The following MTUS1 variants were observed in gnomAD, a reference collection of about 807,000 sequenced individuals.
The protein encoded by MTUS1 is microtubule-associated tumor suppressor 1.
MTUS1 carries 109 observed loss-of-function variants against 120.8 expected under a neutral mutation model. The ratio of observed to expected loss-of-function variants is 0.90; its 90% confidence interval spans 0.77 to 1.06. The LOEUF (loss-of-function observed/expected upper bound fraction) is 1.06, where lower values mean the gene tolerates loss of function less well. Among genes scored for constraint, MTUS1 ranks in the 50% least tolerant of loss-of-function variants. The pLI is 0.00. For missense variants in MTUS1, 2,210 were observed against 1,486.3 expected, an observed-to-expected ratio of 1.49 and a Z score of -8.01; for synonymous variants, 737 against 550.5, an observed-to-expected ratio of 1.34 and a Z score of -4.74.
chr8:17,788,169 T>C (rs558552671), intron 1 of MTUS1, among the ~76,000 whole-genome samples: 44 of 152,290 alleles, frequency 2.9e-4, no homozygotes, highest in Middle Eastern at 3.4e-3. Flanking sequence ...TGTATCTTGA[T>C]TGGTGTGATC....
chr8:17,697,133 T>C, intron 6 of MTUS1: 1 of 1,237,410 alleles, frequency 8.1e-7, no homozygotes, highest in Non-Finnish European at 1.1e-6. Context: ...AAGCCTCATC[T>C]CTCATTAGAG....
chr8:17,684,447 G>C lies in MTUS1; in HGVS notation c.2719C>G (p.Gln907Glu). Residue 907 changes from glutamine (Q) to glutamate (E), a missense_variant, in exon 7 of 15, where the codon CAA (glutamine) becomes GAA (glutamate). Transcript: ENST00000693296. The stretch of plus-strand genomic sequence containing the variant: ...TGGTTTTCACATTTTGTTTTATATT[G>C]CGTCAATTCAAGTGTTTTCTCAGGG... Reference protein sequence around the residue: ...LPPEKTLELTQYKTKCENQSG... With the variant: ...LPPEKTLELTEYKTKCENQSG... 1 of 1,614,126 alleles carries C rather than the reference G, an allele frequency of 6.2e-7. No homozygotes were observed. The highest frequency in any genetic ancestry group is 8.5e-7 in the Non-Finnish European group (1 of 1,179,978).
chr8:17,674,845 T>C lies in MTUS1; in HGVS notation c.2905+341A>G, dbSNP rs536513963. 16 of 1,107,138 alleles carry C rather than the reference T, an allele frequency of 1.4e-5. No homozygotes were observed. The African/African-American group carries it at 2.3e-4, about 16-fold the overall frequency. The allele number at this position is 1,107,138 out of a possible 1,614,324, so 68.6% of individuals were successfully genotyped here. ...TCAAGAGGGGAAACTTTCACTATTC[T>C]CATATGAAAAGTGCTTCAGAAAAAA... On this transcript the variant is annotated intron_variant, in intron 8 of 14. Coordinates refer to ENST00000693296, the MANE Select transcript of MTUS1 (RefSeq NM_001363059.2).
chr8:17,801,257 C>T (rs1302418911), upstream of MTUS1: 2 of 151,550 alleles, frequency 1.3e-5, no homozygotes, highest in Non-Finnish European at 2.9e-5. Context: ...GGCCTCCCCG[C>T]CTCCCCGCCT....
rs747158090 is a variant in MTUS1, at chr8:17,723,721, G to A, written c.2400C>T (p.Thr800=). ...KSPALRRTGS[T]PSIASTHSEL... ...CACTGTGGGTGCTGGCTATTGAGGG[G>A]GTGCTTCCTGTCCTCCGCAGCGCAG... Residue 800 remains threonine (T), a synonymous_variant, in exon 4 of 15, where the codon ACC becomes ACT. Coordinates refer to ENST00000693296, the MANE Select transcript of MTUS1 (RefSeq NM_001363059.2). The A allele has an allele frequency of 1.6e-5, 25 of 1,610,940 alleles. No homozygotes were observed. In the South Asian group the frequency reaches 2.5e-4, roughly 16 times the overall value.
intron 7 of MTUS1, among the ~76,000 whole-genome samples, chr8:17,682,588 G>C (rs1054548631): frequency 2.0e-5 from 3 of 151,654 alleles, no homozygotes; most frequent in Non-Finnish European, 4.4e-5. Context: ...AGCAAGGATG[G>C]CATGAATGGG....
chr8:17,699,569 C>T (rs1027358272), intron 6 of MTUS1, among the ~76,000 whole-genome samples: 14 of 152,162 alleles, frequency 9.2e-5, no homozygotes, highest in Admixed American at 7.9e-4. Flanking sequence ...GAAGAAATTA[C>T]CATCTAATCA....
chr8:17,665,920 A>G (rs987439493), intron 8 of MTUS1, among the ~76,000 whole-genome samples: 4 of 152,060 alleles, frequency 2.6e-5, no homozygotes, highest in African/African-American at 9.7e-5. Context: ...AATTCCACCC[A>G]GCCAGCCTGT....
intron 6 of MTUS1, among the ~76,000 whole-genome samples, chr8:17,695,129 C>G (rs987233393): frequency 6.6e-6 from 1 of 152,172 alleles, no homozygotes; most frequent in Non-Finnish European, 1.5e-5. Flanking sequence ...ACCCACTTGA[C>G]GGACGATTTC....
At chr8:17,785,922 A>C (rs1050739160) in intron 1 of MTUS1, among the ~76,000 whole-genome samples, 9 of 152,148 alleles carry the variant, frequency 5.9e-5, no homozygotes, top group Admixed American at 2.0e-4. Flanking sequence ...AAACAAGAGA[A>C]TCTATTGAAC....
intron 3 of MTUS1, among the ~76,000 whole-genome samples, chr8:17,728,497 G>C (rs1440558113): frequency 6.6e-6 from 1 of 152,236 alleles, no homozygotes; most frequent in African/African-American, 2.4e-5. Flanking sequence ...TAAGGCAAGT[G>C]CAAGTAATCA....
chr8:17,711,453 C>T (rs185042112), intron 6 of MTUS1, among the ~76,000 whole-genome samples: 5 of 150,958 alleles, frequency 3.3e-5, no homozygotes, highest in African/African-American at 9.7e-5. Context: ...TAGCTTCCAG[C>T]TTTTTTTTTT....
In MTUS1 at chr8:17,668,708, G is replaced by A. The variant is rs113273107; in HGVS notation, c.2905+6478C>T. The stretch of plus-strand genomic sequence containing the variant: ...TTTTATTTTAGGTTCAGGGGCACAT[G>A]TGCAGGTTTGTTATTTGGGTCAACT... On this transcript the variant is annotated intron_variant, in intron 8 of 14. Coordinates refer to ENST00000693296, the MANE Select transcript of MTUS1 (RefSeq NM_001363059.2). 5.8e-3 allele frequency among the ~76,000 whole-genome samples: 881 copies of A among 152,258 alleles called. 16 individuals carry two copies. The highest frequency in any genetic ancestry group is 0.021 in the African/African-American group (861 of 41,550).
chr8:17,684,563 G>A (rs764080176), intron 6 of MTUS1, 21 bp from the exon 7 acceptor site: 8 of 1,589,620 alleles, frequency 5.0e-6, no homozygotes, highest in African/African-American at 1.3e-5. Flanking sequence ...AATTAACATA[G>A]GTACAAAGAT....
Position 17,755,397 on chromosome 8 carries a change from A to G in MTUS1, c.411T>C (p.Pro137=). The change falls in exon 2 of 15, where the codon CCT becomes CCC. Residue 137 remains proline (P), a synonymous_variant. Transcript: ENST00000693296. ...VEGQSVEPSL[P]FVWKPNDNLN... ...AATTGTCATTAGGCTTCCACACAAA[A>G]GGCAAAGATGGCTCAACACTCTGGC... The G allele has an allele frequency of 6.2e-7, 1 of 1,614,230 alleles. No homozygotes were observed. Among genetic ancestry groups the G allele is most frequent in the Non-Finnish European group, 8.5e-7 (1 of 1,180,032 alleles).
intron 4 of MTUS1, chr8:17,721,789 G>T: frequency 8.1e-6 from 13 of 1,614,148 alleles, no homozygotes; most frequent in Non-Finnish European, 1.0e-5. Context: ...TGTCAATAAG[G>T]TAGCATCATA....
chr8:17,680,680 G>T (rs1814257334), intron 7 of MTUS1, among the ~76,000 whole-genome samples: 2 of 152,010 alleles, frequency 1.3e-5, no homozygotes, highest in Admixed American at 1.3e-4. Context: ...TCTAGCGTTG[G>T]ATCAACTCTC....
chr8:17,676,193 A>G, intron 7 of MTUS1: 1 of 698,722 alleles, frequency 1.4e-6, no homozygotes, highest in Non-Finnish European at 2.6e-6. Context: ...TTGTCATTCA[A>G]AGCATTTTCC....
intron 6 of MTUS1, among the ~76,000 whole-genome samples, chr8:17,696,362 G>A (rs976191093): frequency 6.6e-6 from 1 of 152,062 alleles, no homozygotes; most frequent in East Asian, 1.9e-4. Context: ...GATGAGCCAC[G>A]TGGAAAATAA....
Sources: allele counts gnomAD v4.1 joint callset (sites outside exome capture counted in the v4.1 genomes callset), GRCh38; gene constraint gnomAD v4.1.1; transcripts MANE v1.5; gene names NCBI Gene and HGNC (gene_info 2026-07-23, HGNC 2026-07-21).